Variants in CSMD1 observed in about 807,000 individuals in gnomAD.
CSMD1 encodes CUB and sushi domain-containing protein 1.
CSMD1 carries 213 observed loss-of-function variants against 417.5 expected under a neutral mutation model. The observed-to-expected ratio is 0.51, with a 90% CI of 0.46 to 0.57. CSMD1 has a LOEUF of 0.57. Ranked by LOEUF, CSMD1 falls within the 20% of genes least tolerant of loss-of-function variation. The pLI is 0.00. For synonymous variants in CSMD1, 2,862 were observed against 1,736.8 expected, an observed-to-expected ratio of 1.65 and a Z score of -16.11; for missense variants, 6,923 against 4,529.7, an observed-to-expected ratio of 1.53 and a Z score of -15.17.
At chr8:3,927,472 C>G (rs964212766) in intron 5 of CSMD1, among the ~76,000 whole-genome samples, 1 of 151,836 alleles carries the variant, frequency 6.6e-6, no homozygotes, top group South Asian at 2.1e-4. Context: ...TGGGACCACC[C>G]TGGCCAACAT....
At chr8:3,649,811 A>G (rs1797756924) in intron 7 of CSMD1, among the ~76,000 whole-genome samples, 1 of 152,216 alleles carries the variant, frequency 6.6e-6, no homozygotes, top group South Asian at 2.1e-4. Flanking sequence ...TTACAATGTA[A>G]GTATAAGTGG....
chr8:3,876,520 T>G (rs187134699), intron 5 of CSMD1, among the ~76,000 whole-genome samples: 18 of 152,326 alleles, frequency 1.2e-4, no homozygotes, highest in Admixed American at 1.2e-3. Context: ...TGTAATTTAT[T>G]AGGAGAAATT....
At chr8:3,052,737 A>C in intron 49 of CSMD1, 90 bp from the exon 50 acceptor site, 3 of 857,690 alleles carry the variant, frequency 3.5e-6, no homozygotes, top group South Asian at 5.6e-5. Context: ...ATTATTATTG[A>C]CTCCATTTTT....
intron 5 of CSMD1, among the ~76,000 whole-genome samples, chr8:3,895,396 G>C (rs1807292102): frequency 6.6e-6 from 1 of 152,126 alleles, no homozygotes; most frequent in African/African-American, 2.4e-5. Context: ...GAAATACTGT[G>C]TGATTGTGGG....
chr8:4,731,932 TAGTG>T (rs1473964952), intron 1 of CSMD1, among the ~76,000 whole-genome samples: 4 of 152,258 alleles, frequency 2.6e-5, no homozygotes, highest in South Asian at 2.1e-4. Context: ...AAAATAATAA[TAGTG>T]AGAACGATCA....
chr8:4,794,604 G>C (rs1246019900), intron 1 of CSMD1, among the ~76,000 whole-genome samples: 2 of 151,950 alleles, frequency 1.3e-5, no homozygotes, highest in African/African-American at 2.4e-5. Context: ...CACGCCTCTG[G>C]GCTGCAAGGC....
intron 10 of CSMD1, among the ~76,000 whole-genome samples, chr8:3,547,447 C>G (rs10105051): frequency 0.45 from 68,626 of 151,988 alleles, 15,810 homozygotes; most frequent in East Asian, 0.53. Flanking sequence ...GATGTATAAA[C>G]GGATCAGTAG....
At chr8:3,111,618 G>T (rs1816520841) in intron 42 of CSMD1, among the ~76,000 whole-genome samples, 1 of 152,194 alleles carries the variant, frequency 6.6e-6, no homozygotes, top group African/African-American at 2.4e-5. Flanking sequence ...GATCACCTGA[G>T]GTCAGGAGTT....
chr8:3,724,629 A>G (rs1802383838), intron 6 of CSMD1, among the ~76,000 whole-genome samples: 1 of 152,284 alleles, frequency 6.6e-6, no homozygotes, highest in East Asian at 1.9e-4. Context: ...CACTCCCAGT[A>G]TGCAGGAAGG....
At chr8:4,125,065 C>T (rs1259696594) in intron 3 of CSMD1, among the ~76,000 whole-genome samples, 5 of 152,094 alleles carry the variant, frequency 3.3e-5, no homozygotes, top group Non-Finnish European at 5.9e-5. Context: ...TAACACTCGC[C>T]GCTGCAGTCC....
intron 7 of CSMD1, among the ~76,000 whole-genome samples, chr8:3,669,711 A>T (rs1452345571): frequency 6.6e-6 from 1 of 152,090 alleles, no homozygotes; most frequent in Non-Finnish European, 1.5e-5. Context: ...GGAACTGGGT[A>T]CAAAGAGGAA....
At chr8:4,407,321 G>A (rs541407993) in intron 3 of CSMD1, among the ~76,000 whole-genome samples, 57 of 152,292 alleles carry the variant, frequency 3.7e-4, no homozygotes, top group African/African-American at 1.3e-3. Context: ...TATAAGGGAT[G>A]AAATGAAAAC....
At chr8:4,443,534 C>A (rs1380597811) in intron 2 of CSMD1, among the ~76,000 whole-genome samples, 1 of 152,134 alleles carries the variant, frequency 6.6e-6, no homozygotes, top group Non-Finnish European at 1.5e-5. Context: ...TATAGAATTT[C>A]ACGAATGATA....
intron 5 of CSMD1, among the ~76,000 whole-genome samples, chr8:3,893,339 T>TTTTA (rs1554476820): frequency 1.2e-5 from 1 of 80,440 alleles, no homozygotes; most frequent in African/African-American, 3.6e-5. Context: ...ATTCACAATT[T>TTTTA]TATATATATA....
chr8:4,599,663 G>C (rs373414535), intron 2 of CSMD1, among the ~76,000 whole-genome samples: 1 of 152,130 alleles, frequency 6.6e-6, no homozygotes, highest in African/African-American at 2.4e-5. Context: ...TTGTAGGAAT[G>C]ACATGCAAAC....
chr8:4,925,533 T>C (rs1806797240), intron 1 of CSMD1, among the ~76,000 whole-genome samples: 1 of 10,710 alleles, frequency 9.3e-5, no homozygotes, highest in Admixed American at 2.0e-3. Flanking sequence ...CTGTCTGGCA[T>C]TTTCTTTTTT....
chr8:3,948,447 T>G (rs1811382180), intron 5 of CSMD1, among the ~76,000 whole-genome samples: 1 of 152,122 alleles, frequency 6.6e-6, no homozygotes, highest in Non-Finnish European at 1.5e-5. Flanking sequence ...GTGACACACT[T>G]TGAATGTGAC....
chr8:4,940,439 T>C (rs1585372538), intron 1 of CSMD1, among the ~76,000 whole-genome samples: 1 of 152,256 alleles, frequency 6.6e-6, no homozygotes, highest in Admixed American at 6.5e-5. Context: ...TTTGATTCTC[T>C]TTAATTATAA....
intron 1 of CSMD1, among the ~76,000 whole-genome samples, chr8:4,808,735 A>T (rs1360265395): frequency 2.0e-5 from 3 of 152,210 alleles, no homozygotes; most frequent in Non-Finnish European, 2.9e-5. Context: ...AGTTTGCCTA[A>T]TGGGAGAACA....
Sources: allele counts gnomAD v4.1 joint callset (sites outside exome capture counted in the v4.1 genomes callset), GRCh38; gene constraint gnomAD v4.1.1; transcripts MANE v1.5; gene names NCBI Gene and HGNC (gene_info 2026-07-23, HGNC 2026-07-21).